The following CCNY variants were observed in gnomAD, a reference collection of about 807,000 sequenced individuals.
CCNY encodes cyclin Y, also known as cyclin-Y.
In CCNY, 19 loss-of-function variants were observed where a neutral mutation model predicts 42.8. The ratio of observed to expected loss-of-function variants is 0.44; its 90% CI spans 0.31 to 0.65. CCNY has a LOEUF of 0.65. Ranked by LOEUF, CCNY falls within the 30% of genes least tolerant of loss-of-function variation. The pLI, the probability that CCNY is intolerant of heterozygous loss-of-function variation, is 0.07. For missense variants in CCNY, 370 were observed against 437.3 expected (o/e 0.85, Z 1.37); for synonymous variants, 165 against 162.7 (o/e 1.01, Z -0.11).
At chr10:35,271,151 A>T (rs1835163103) in intron 3 of CCNY, among the ~76,000 whole-genome samples, 1 of 152,182 alleles carries the variant, frequency 6.6e-6, no homozygotes, top group Admixed American at 6.6e-5. Flanking sequence ...CTCCTTTTAG[A>T]TCTCTCAGAG....
intron 7 of CCNY, among the ~76,000 whole-genome samples, chr10:35,537,244 G>A (rs1840904866): frequency 6.6e-6 from 1 of 152,240 alleles, no homozygotes; most frequent in Non-Finnish European, 1.5e-5. Context: ...GATTTCAGAA[G>A]ATGTATGGAA....
At chr10:35,323,427 C>T (rs1207563200) in intron 3 of CCNY, among the ~76,000 whole-genome samples, 1 of 152,168 alleles carries the variant, frequency 6.6e-6, no homozygotes, top group Non-Finnish European at 1.5e-5. Context: ...GTGGTATATA[C>T]ATACACTGGA....
At position 35,363,078 on chromosome 10, in the gene CCNY, G is replaced by A. The variant is rs747333306; in HGVS notation, c.154+25871G>A. On this transcript the variant is annotated intron_variant, in intron 1 of 9. Transcript: ENST00000374704. ...CTCACTTCCCAGATGGTGGGCCGCCGGGCAGAGGCGCTCCTCACTTCCCAG... is the reference window on the plus strand; with the variant it reads ...CTCACTTCCCAGATGGTGGGCCGCCAGGCAGAGGCGCTCCTCACTTCCCAG... Among the ~76,000 whole-genome samples, 106 of 145,300 alleles carry A rather than the reference G, an allele frequency of 7.3e-4. 1 individual carries two copies. Among genetic ancestry groups the A allele is most frequent in the Middle Eastern group, 4.3e-3 (1 of 232 alleles).
At position 35,257,488 on chromosome 10, in the gene CCNY, T is replaced by C. The variant is rs1187647821; in HGVS notation, c.-9+6862T>C. Among the ~76,000 whole-genome samples, 34 of 152,100 alleles carry C rather than the reference T, an allele frequency of 2.2e-4. 1 individual carries two copies. Among genetic ancestry groups the C allele is most frequent in the Admixed American group, 2.2e-3 (34 of 15,234 alleles). Reference sequence around the variant, plus strand: ...GAAGGTCTTAATTTCTCCCTCACTTTTGAAGAACTGTTAAGCCAAATGCAA... The same window carrying C: ...GAAGGTCTTAATTTCTCCCTCACTTCTGAAGAACTGTTAAGCCAAATGCAA... On this transcript the variant is annotated intron_variant, in intron 3 of 11. Transcript: ENST00000374706.
chr10:35,285,881 G>T (rs1300516480), intron 3 of CCNY, among the ~76,000 whole-genome samples: 1 of 151,918 alleles, frequency 6.6e-6, no homozygotes, highest in African/African-American at 2.4e-5. Flanking sequence ...GGCACGATCT[G>T]GGCTCACTGC....
At chr10:35,312,066 T>A (rs1045116803) in intron 3 of CCNY, among the ~76,000 whole-genome samples, 4 of 152,008 alleles carry the variant, frequency 2.6e-5, no homozygotes, top group African/African-American at 9.7e-5. Context: ...GACTAAGGGT[T>A]TAGTAAAGCT....
At chr10:35,520,998 G>T (rs993227476) in intron 4 of CCNY, among the ~76,000 whole-genome samples, 1 of 152,206 alleles carries the variant, frequency 6.6e-6, no homozygotes, top group African/African-American at 2.4e-5. Context: ...GCCCGTCACA[G>T]CCCTGTCTAT....
intron 3 of CCNY, among the ~76,000 whole-genome samples, chr10:35,251,777 T>C (rs982545593): frequency 6.6e-6 from 1 of 151,912 alleles, no homozygotes; most frequent in Non-Finnish European, 1.5e-5. Context: ...TTTGTAGAGA[T>C]GGAGTTTCAT....
intron 1 of CCNY, among the ~76,000 whole-genome samples, chr10:35,428,554 TAGA>T (rs1380897579): frequency 2.0e-5 from 3 of 152,126 alleles, no homozygotes; most frequent in Admixed American, 1.3e-4. Flanking sequence ...TATTTTTACT[TAGA>T]GGAGTGAGAA....
chr10:35,526,085 C>A, intron 5 of CCNY, 86 bp downstream of exon 5: 2 of 1,165,880 alleles, frequency 1.7e-6, no homozygotes, highest in South Asian at 1.4e-5. Context: ...TTGCTTAAAC[C>A]TTTGAATTAT....
intron 1 of CCNY, among the ~76,000 whole-genome samples, chr10:35,395,953 G>A (rs1837515470): frequency 6.6e-6 from 1 of 152,020 alleles, no homozygotes; most frequent in African/African-American, 2.4e-5. Flanking sequence ...GGTGTTGTGG[G>A]GTGCATAGGG....
intron 1 of CCNY, among the ~76,000 whole-genome samples, chr10:35,358,095 T>G (rs1335614227): frequency 6.6e-6 from 1 of 152,170 alleles, no homozygotes; most frequent in Non-Finnish European, 1.5e-5. Context: ...ATTTGGAAAA[T>G]GCACTTTTTT....
At chr10:35,492,697 G>A (rs1365357220) in intron 2 of CCNY, among the ~76,000 whole-genome samples, 1 of 152,230 alleles carries the variant, frequency 6.6e-6, no homozygotes, top group East Asian at 1.9e-4. Flanking sequence ...AAGCATAGGG[G>A]AATGAAGGAA....
At chr10:35,482,801 T>TGTGTGTGTGTGTG (rs4007247) in intron 1 of CCNY, among the ~76,000 whole-genome samples, 2 of 140,922 alleles carry the variant, frequency 1.4e-5, no homozygotes, top group South Asian at 2.3e-4. Context: ...TGTGTGTGTG[T>TGTGTGTGTGTGTG]TATGTGTTTG....
intron 3 of CCNY, among the ~76,000 whole-genome samples, chr10:35,306,907 C>T (rs1835612940): frequency 6.6e-6 from 1 of 152,108 alleles, no homozygotes; most frequent in South Asian, 2.1e-4. Flanking sequence ...GTCCAGGAGC[C>T]CAGGCATCTG....
intron 7 of CCNY, among the ~76,000 whole-genome samples, chr10:35,550,778 C>G (rs995685833): frequency 5.3e-5 from 8 of 152,160 alleles, no homozygotes; most frequent in East Asian, 1.9e-4. Flanking sequence ...TTTACTCCCC[C>G]CTCTTCTTTG....
At chr10:35,357,032 C>T (rs1425914431) in intron 1 of CCNY, among the ~76,000 whole-genome samples, 1 of 152,190 alleles carries the variant, frequency 6.6e-6, no homozygotes, top group Non-Finnish European at 1.5e-5. Flanking sequence ...GTCTCAGGCT[C>T]TGTACAGATG....
In CCNY at chr10:35,375,012, A is replaced by G. The variant is rs570982295; in HGVS notation, c.154+37805A>G. Among the ~76,000 whole-genome samples, 4 of 151,818 alleles carry G rather than the reference A, an allele frequency of 2.6e-5. No individual in the cohort carries two copies. The South Asian group carries it at 8.3e-4, about 32-fold the overall frequency. ...AGAGTGTGGCCAGGTCAGGGCCTCT[A>G]TCTTATGAAATGAGTTGGGGTATGA... On this transcript the variant is annotated intron_variant, in intron 1 of 9. Coordinates refer to ENST00000374704, the MANE Select transcript of CCNY (RefSeq NM_145012.6).
At position 35,337,067 on chromosome 10, in the gene CCNY, C is replaced by T; in HGVS notation, c.14C>T (p.Thr5Ile). The T allele has an allele frequency of 6.3e-7, 1 of 1,585,734 alleles. No homozygotes were observed. Among genetic ancestry groups the T allele is most frequent in the Non-Finnish European group, 8.6e-7 (1 of 1,167,926 alleles). MGNT[T>I]SCCVSSSPKL... ...GGGCCGCCGAAGATGGGGAACACTA[C>T]CTCGTGCTGCGTGTCGTCCAGTCCC... The change falls in exon 1 of 10, where the codon ACC (threonine) becomes ATC (isoleucine). Residue 5 changes from threonine to isoleucine, a missense_variant. Coordinates refer to ENST00000374704, the MANE Select transcript of CCNY (RefSeq NM_145012.6).
Sources: gnomAD v4.1 joint callset for allele counts (sites outside exome capture counted in the v4.1 genomes callset) on GRCh38, gnomAD v4.1.1 for gene constraint, MANE v1.5 for transcripts, NCBI Gene and HGNC (gene_info 2026-07-23, HGNC 2026-07-21) for gene names.